CADPS2: variants seen among roughly 807,000 people sequenced by gnomAD.
The protein encoded by CADPS2 is calcium-dependent secretion activator 2.
CADPS2 carries 93 observed loss-of-function variants against 172.5 expected under a neutral mutation model. The ratio of observed to expected loss-of-function variants is 0.54; its 90% CI spans 0.46 to 0.64. The LOEUF (loss-of-function observed/expected upper bound fraction) is 0.64. Among genes scored for constraint, CADPS2 ranks in the 30% least tolerant of loss-of-function variants. The pLI, the probability that CADPS2 is intolerant of heterozygous loss-of-function variation, is 0.00. For synonymous variants in CADPS2, 546 were observed against 555.2 expected, an observed-to-expected ratio of 0.98 and a Z score of 0.23; for missense variants, 1,420 against 1,565.9, an observed-to-expected ratio of 0.91 and a Z score of 1.57.
chr7:122,829,239 C>A (rs1444633238), intron 1 of CADPS2, among the ~76,000 whole-genome samples: 1 of 152,208 alleles, frequency 6.6e-6, no homozygotes, highest in Non-Finnish European at 1.5e-5. Flanking sequence ...TCTCACCAAC[C>A]TTCTACTCAC....
intron 8 of CADPS2, among the ~76,000 whole-genome samples, chr7:122,515,408 C>T (rs868202373): frequency 2.6e-5 from 4 of 152,096 alleles, no homozygotes; most frequent in African/African-American, 4.8e-5. Flanking sequence ...CTGCAATTTC[C>T]TGTTTTGAAA....
intron 2 of CADPS2, among the ~76,000 whole-genome samples, chr7:122,720,420 GTA>G (rs779899496): frequency 1.0e-4 from 15 of 148,940 alleles, no homozygotes; most frequent in African/African-American, 2.2e-4. Flanking sequence ...ATAGAGGTTT[GTA>G]TATATATATA....
At chr7:122,547,075 T>C (rs186398338) in intron 8 of CADPS2, among the ~76,000 whole-genome samples, 1 of 74,870 alleles carries the variant, frequency 1.3e-5, no homozygotes, top group Non-Finnish European at 3.2e-5. Flanking sequence ...ATCTAGGGTG[T>C]TTTTTTTTTG....
chr7:122,664,013 G>T (rs184987802), intron 2 of CADPS2, among the ~76,000 whole-genome samples: 2 of 141,100 alleles, frequency 1.4e-5, no homozygotes, highest in African/African-American at 5.3e-5. Flanking sequence ...CCTGATTTTG[G>T]ACTTCCCAAG....
At chr7:122,685,268 T>C (rs1271203896) in intron 2 of CADPS2, among the ~76,000 whole-genome samples, 1 of 152,208 alleles carries the variant, frequency 6.6e-6, no homozygotes, top group Non-Finnish European at 1.5e-5. Context: ...GGCAATAACC[T>C]GTCTACAGGC....
intron 29 of CADPS2, among the ~76,000 whole-genome samples, chr7:122,322,051 A>G (rs2032666880): frequency 1.3e-5 from 2 of 152,194 alleles, no homozygotes; most frequent in African/African-American, 4.8e-5. Flanking sequence ...TCTGAAAGGT[A>G]TGTTTTGTCT....
chr7:122,865,222 G>A (rs1272773171), intron 1 of CADPS2, among the ~76,000 whole-genome samples: 3 of 152,110 alleles, frequency 2.0e-5, no homozygotes, highest in Non-Finnish European at 4.4e-5. Context: ...TTCCACATAC[G>A]TTGAATTAGC....
rs969523068 is a variant in CADPS2 at position 122,670,503 on chromosome 7, C to CT, written c.454-6935dup. On this transcript the variant is annotated intron_variant, in intron 2 of 29. Transcript: ENST00000449022. ...GGTGGATCACTTGAGCCCAGGAGTT[C>CT]TTTTTTTTTTTTGAGATGGAGTCTC... 8.5e-3 allele frequency among the ~76,000 whole-genome samples: 1,226 copies of CT among 143,760 alleles called. 4 individuals carry two copies. The highest frequency in any genetic ancestry group is 0.039 in the East Asian group (186 of 4,792). 94.3% of individuals were successfully genotyped at this position (143,760 alleles called of 152,430 possible).
rs550207082 is a variant in CADPS2 at position 122,683,721 on chromosome 7, T to C, written c.454-20152A>G. On this transcript the variant is annotated intron_variant, in intron 2 of 29. Coordinates refer to ENST00000449022, the MANE Select transcript of CADPS2 (RefSeq NM_017954.11). ...ACAGAAGGGCGGTCCTCTAATAAGC[T>C]TGCTTTGATATAATGTTAATGAAGA... Among the ~76,000 whole-genome samples, 4 of 148,924 alleles carry C rather than the reference T, an allele frequency of 2.7e-5. No homozygotes were observed. In the South Asian group the frequency reaches 8.8e-4, roughly 33 times the overall value.
At chr7:122,327,736 A>T (rs1381817087) in intron 28 of CADPS2, among the ~76,000 whole-genome samples, 1 of 152,030 alleles carries the variant, frequency 6.6e-6, no homozygotes, top group East Asian at 1.9e-4. Flanking sequence ...ATTTAATACA[A>T]TGCCAAAATA....
At chr7:122,633,670 C>T (rs574310060) in intron 3 of CADPS2, among the ~76,000 whole-genome samples, 187 of 152,228 alleles carry the variant, frequency 1.2e-3, no homozygotes, top group Non-Finnish European at 2.2e-3. Flanking sequence ...TCTTTTCCTA[C>T]ATGGATGCAT....
Position 122,886,007 on chromosome 7 carries a change from G to A in CADPS2, c.331C>T (p.Gln111Ter). 1 of 1,606,458 alleles carries A rather than the reference G, an allele frequency of 6.2e-7. No individual in the cohort carries two copies. The highest frequency in any genetic ancestry group is 1.7e-4 in the Middle Eastern group (1 of 5,944). Reference protein sequence around the residue: ...AKQPTDMARRQQKLNKQQLQL... With the variant: ...AKQPTDMARR ...CCGGTCCCGCAACTCACCTTCTGCT[G>A]CCTCCGGGCCATGTCGGTGGGCTGC... Residue 111 changes from glutamine to a stop codon, truncating the protein, a stop_gained, in exon 1 of 30, where the codon CAG becomes TAG. Transcript: ENST00000449022. LOFTEE classifies it high-confidence loss of function.
intron 8 of CADPS2, among the ~76,000 whole-genome samples, chr7:122,515,060 A>G (rs11979169): frequency 0.038 from 5,846 of 152,228 alleles, 365 homozygotes; most frequent in African/African-American, 0.13. Flanking sequence ...TGGAGTTACT[A>G]AAAGTCAAAA....
intron 6 of CADPS2, among the ~76,000 whole-genome samples, chr7:122,606,903 T>A (rs1230811771): frequency 6.6e-6 from 1 of 152,042 alleles, no homozygotes; most frequent in Non-Finnish European, 1.5e-5. Context: ...AGCCATAGGA[T>A]GTATAATTTG....
chr7:122,345,918 C>CTT lies in CADPS2; in HGVS notation c.3505-239_3505-238dup, dbSNP rs71159791. ...TACAGAGTTGTAGATCCGTAGATAT[C>CTT]TTTTTTTTTTTTTTGTTAAATGGCT... On this transcript the variant is annotated intron_variant, in intron 27 of 29. Transcript: ENST00000449022. Among the ~76,000 whole-genome samples the CTT allele has an allele frequency of 8.7e-4, 121 of 138,732 alleles. 2 individuals are homozygous for CTT. Among genetic ancestry groups the CTT allele is most frequent in the Admixed American group, 3.1e-3 (42 of 13,612 alleles). The allele number at this position is 138,732 out of a possible 152,430, so 91.0% of individuals were successfully genotyped here. A position where few individuals can be genotyped will look rare whatever the true frequency, so the allele number is the denominator to read the frequency against.
At chr7:122,668,398 T>C (rs1003912575) in intron 2 of CADPS2, among the ~76,000 whole-genome samples, 9 of 63,068 alleles carry the variant, frequency 1.4e-4, no homozygotes, top group African/African-American at 7.7e-4. Flanking sequence ...AGACAAAGTA[T>C]GGTTAAAAAA....
intron 2 of CADPS2, among the ~76,000 whole-genome samples, chr7:122,690,791 A>G (rs2084248822): frequency 6.6e-6 from 1 of 152,198 alleles, no homozygotes; most frequent in South Asian, 2.1e-4. Context: ...GGTGATCACC[A>G]TCCACATTGC....
chr7:122,461,257 G>T (rs2054396428), intron 14 of CADPS2, among the ~76,000 whole-genome samples: 1 of 152,162 alleles, frequency 6.6e-6, no homozygotes, highest in African/African-American at 2.4e-5. Context: ...TAGTACATGG[G>T]TAATTGGAGC....
chr7:122,873,159 G>A (rs1820237358), intron 1 of CADPS2, among the ~76,000 whole-genome samples: 1 of 152,070 alleles, frequency 6.6e-6, no homozygotes, highest in African/African-American at 2.4e-5. Flanking sequence ...TTTAAATGGA[G>A]TCCATATAGC....
Sources: gnomAD v4.1 joint callset for allele counts (sites outside exome capture counted in the v4.1 genomes callset) on GRCh38, gnomAD v4.1.1 for gene constraint, MANE v1.5 for transcripts, NCBI Gene and HGNC (gene_info 2026-07-23, HGNC 2026-07-21) for gene names.